Variants in CEMIP observed in about 807,000 individuals in gnomAD.
CEMIP encodes the protein cell migration inducing hyaluronidase 1.
CEMIP carries 105 observed loss-of-function variants against 156.9 expected under a neutral mutation model. The observed-to-expected ratio is 0.67, with a 90% CI of 0.57 to 0.79. The LOEUF (loss-of-function observed/expected upper bound fraction) is 0.79, where lower values mean the gene tolerates loss of function less well. Among genes scored for constraint, CEMIP ranks in the 30% least tolerant of loss-of-function variants. CEMIP has a pLI of 0.00. For synonymous variants in CEMIP, 676 were observed against 668.4 expected (o/e 1.01, Z -0.17); for missense variants, 1,457 against 1,769.4 (o/e 0.82, Z 3.17).
At chr15:80,899,667 A>G (rs560323310) in intron 12 of CEMIP, among the ~76,000 whole-genome samples, 50 of 152,270 alleles carry the variant, frequency 3.3e-4, no homozygotes, top group African/African-American at 1.1e-3. Flanking sequence ...GGGAGGGGCC[A>G]TGGTGCAGTT....
At chr15:80,865,556 G>A (rs1209603508) in intron 1 of CEMIP, among the ~76,000 whole-genome samples, 4 of 151,776 alleles carry the variant, frequency 2.6e-5, no homozygotes, top group Non-Finnish European at 5.9e-5. Flanking sequence ...CATGGCTACT[G>A]TACTGGACAG....
intron 1 of CEMIP, among the ~76,000 whole-genome samples, 164 bp downstream of exon 1, chr15:80,779,778 G>A (rs1399580560): frequency 6.6e-6 from 1 of 152,216 alleles, no homozygotes; most frequent in Non-Finnish European, 1.5e-5. Context: ...ACCTCTATCT[G>A]TCTGTTTGTC....
intron 18 of CEMIP, among the ~76,000 whole-genome samples, 192 bp downstream of exon 18, chr15:80,924,898 C>T (rs542655067): frequency 6.6e-6 from 1 of 152,314 alleles, no homozygotes; most frequent in African/African-American, 2.4e-5. Context: ...ATTCTGGCTC[C>T]AGCAGCCAAA....
intron 25 of CEMIP, among the ~76,000 whole-genome samples, chr15:80,941,338 T>A (rs1901325976): frequency 6.6e-6 from 1 of 152,142 alleles, no homozygotes; most frequent in South Asian, 2.1e-4. Context: ...TTTACAATAA[T>A]AATTATTATT....
intron 1 of CEMIP, among the ~76,000 whole-genome samples, chr15:80,801,067 C>T (rs1896363545): frequency 6.6e-6 from 1 of 152,256 alleles, no homozygotes; most frequent in African/African-American, 2.4e-5. Flanking sequence ...GCTGCTTTCT[C>T]TGCTCAATCA....
intron 1 of CEMIP, among the ~76,000 whole-genome samples, chr15:80,813,756 G>A (rs1175680139): frequency 6.6e-6 from 1 of 152,206 alleles, no homozygotes; most frequent in East Asian, 1.9e-4. Context: ...TCGGACAGAT[G>A]ATTTCAGAGC....
At chr15:80,909,530 T>C (rs1184390963) in intron 14 of CEMIP, 1 of 628,644 alleles carries the variant, frequency 1.6e-6, no homozygotes, top group South Asian at 1.5e-5. Context: ...GGGAGAGTGA[T>C]TACTTTGTGG....
intron 1 of CEMIP, among the ~76,000 whole-genome samples, chr15:80,836,322 T>C (rs560732045): frequency 6.6e-6 from 1 of 152,328 alleles, no homozygotes; most frequent in South Asian, 2.1e-4. Flanking sequence ...AGGAGGACAG[T>C]GTTCCGAAGG....
At chr15:80,921,371 T>C (rs976678935) in intron 16 of CEMIP, among the ~76,000 whole-genome samples, 1 of 152,228 alleles carries the variant, frequency 6.6e-6, no homozygotes, top group Non-Finnish European at 1.5e-5. Context: ...GTATAATAAA[T>C]CATTAGAATG....
intron 21 of CEMIP, among the ~76,000 whole-genome samples, chr15:80,929,926 C>CA (rs1225075899): frequency 1.3e-5 from 2 of 152,162 alleles, no homozygotes; most frequent in Non-Finnish European, 2.9e-5. Flanking sequence ...ATAATGGACT[C>CA]AGTCAATTCC....
In CEMIP at chr15:80,860,963, G is replaced by C. The variant is rs139284812; in HGVS notation, c.-175-12575G>C. On this transcript the variant is annotated intron_variant, in intron 1 of 29. Coordinates refer to ENST00000394685, the MANE Select transcript of CEMIP (RefSeq NM_001293298.2). ...TGCTCCAATGCCACCTTATCAGAGA[G>C]AGCTTTCCTCTCCTCTGCTTGATTT... Among the ~76,000 whole-genome samples the C allele has an allele frequency of 1.1e-4, 16 of 152,130 alleles. No individual in the cohort carries two copies. In the East Asian group the frequency reaches 3.1e-3, roughly 30 times the overall value.
chr15:80,856,034 C>A (rs898775249), intron 1 of CEMIP, among the ~76,000 whole-genome samples: 1 of 152,206 alleles, frequency 6.6e-6, no homozygotes, highest in African/African-American at 2.4e-5. Context: ...CTGGATCATT[C>A]CATTTACATG....
chr15:80,819,383 G>A lies in CEMIP; in HGVS notation c.-176+39769G>A, dbSNP rs566969969. ...CCTGTCTAGTGGATGGTCACTCTTA[G>A]GGATGGTTCCAGATGTCTTGCTGGG... is the stretch of plus-strand genomic sequence containing the variant. On this transcript the variant is annotated intron_variant, in intron 1 of 29. Transcript: ENST00000394685. 1.5e-4 allele frequency among the ~76,000 whole-genome samples: 23 copies of A among 152,288 alleles called. No individual in the cohort carries two copies. The South Asian group carries it at 4.6e-3, about 30-fold the overall frequency.
chr15:80,935,401 A>C (rs1044520204), intron 23 of CEMIP, among the ~76,000 whole-genome samples: 3 of 146,560 alleles, frequency 2.0e-5, no homozygotes, highest in Non-Finnish European at 2.9e-5. Flanking sequence ...ATCTTCTGTG[A>C]AAAAAAAGCT....
intron 1 of CEMIP, among the ~76,000 whole-genome samples, chr15:80,817,044 A>T (rs919729031): frequency 6.6e-6 from 1 of 152,204 alleles, no homozygotes; most frequent in African/African-American, 2.4e-5. Flanking sequence ...GGCTGACAGT[A>T]AACAGTTTAT....
intron 7 of CEMIP, among the ~76,000 whole-genome samples, chr15:80,885,451 C>T (rs551222417): frequency 6.6e-6 from 1 of 152,208 alleles, no homozygotes; most frequent in Non-Finnish European, 1.5e-5. Flanking sequence ...GCATTGCAAG[C>T]CTCCTTTGTT....
At chr15:80,831,124 G>T (rs932843071) in intron 1 of CEMIP, among the ~76,000 whole-genome samples, 7 of 152,166 alleles carry the variant, frequency 4.6e-5, no homozygotes, top group Admixed American at 1.3e-4. Context: ...AATTTGGGAG[G>T]TGTGGGAAAC....
At chr15:80,908,838 T>C (rs191808355) in intron 13 of CEMIP, among the ~76,000 whole-genome samples, 27 of 152,340 alleles carry the variant, frequency 1.8e-4, no homozygotes, top group African/African-American at 6.5e-4. Flanking sequence ...AGCTATAGCA[T>C]AGCTCTTCAG....
intron 1 of CEMIP, among the ~76,000 whole-genome samples, chr15:80,792,658 G>A (rs1198257192): frequency 3.9e-5 from 6 of 152,196 alleles, no homozygotes; most frequent in Admixed American, 3.3e-4. Flanking sequence ...GACACTGTAT[G>A]TAGAGATGGC....
Sources: gnomAD v4.1 joint callset for allele counts (sites outside exome capture counted in the v4.1 genomes callset) on GRCh38, gnomAD v4.1.1 for gene constraint, MANE v1.5 for transcripts, NCBI Gene and HGNC (gene_info 2026-07-23, HGNC 2026-07-21) for gene names.